Variants in CCDC186 observed in about 807,000 individuals in gnomAD.
The protein encoded by CCDC186 is coiled-coil domain-containing protein 186.
A neutral mutation model predicts 113.7 loss-of-function variants in CCDC186; 49 were observed. That is an observed-to-expected ratio of 0.43 (90% CI 0.34 to 0.55). The LOEUF (loss-of-function observed/expected upper bound fraction) is 0.55, where lower values mean the gene tolerates loss of function less well. Among genes scored for constraint, CCDC186 ranks in the 20% least tolerant of loss-of-function variants. CCDC186 has a pLI of 0.02. For synonymous variants in CCDC186, 355 were observed against 345.8 expected, an observed-to-expected ratio of 1.03 and a Z score of -0.30; for missense variants, 890 against 1,011.1, an observed-to-expected ratio of 0.88 and a Z score of 1.62.
Position 114,151,218 on chromosome 10 carries a change from T to C in CCDC186, c.762A>G (p.Leu254=). 1 of 1,539,464 alleles carries C rather than the reference T, an allele frequency of 6.5e-7. No homozygotes were observed. Among genetic ancestry groups the C allele is most frequent in the Non-Finnish European group, 8.9e-7 (1 of 1,118,514 alleles). Residue 254 remains leucine (L), a splice_region_variant and synonymous_variant, in exon 4 of 16, where the codon TTA becomes TTG. Transcript: ENST00000369287. ...TATTAAGTTCTTCTATTCTTGATTCTAACTGTAAAGAAAATTATTTCCAAA... is the reference window on the plus strand; with the variant it reads ...TATTAAGTTCTTCTATTCTTGATTCCAACTGTAAAGAAAATTATTTCCAAA... ...EKQHMNTIKQ[L]ESRIEELNKE...
chr10:114,164,258 C>T (rs12766574), intron 1 of CCDC186, among the ~76,000 whole-genome samples: 12,008 of 150,192 alleles, frequency 0.08, 564 homozygotes, highest in Middle Eastern at 0.14. Flanking sequence ...GTAGCTGAGA[C>T]TACAGGTGCC....
chr10:114,155,841 C>CACTT (rs2031994816), intron 3 of CCDC186, among the ~76,000 whole-genome samples: 1 of 152,048 alleles, frequency 6.6e-6, no homozygotes, highest in Admixed American at 6.6e-5. Context: ...GTGTATTTTA[C>CACTT]ACTTACAGCA....
intron 4 of CCDC186, among the ~76,000 whole-genome samples, chr10:114,149,589 GA>G (rs2031758113): frequency 9.3e-5 from 3 of 32,398 alleles, no homozygotes; most frequent in Non-Finnish European, 1.8e-4. Flanking sequence ...GAAGGGAAGG[GA>G]AGGGAAGGGA....
At chr10:114,158,987 G>C (rs1233456446) in intron 2 of CCDC186, among the ~76,000 whole-genome samples, 1 of 152,176 alleles carries the variant, frequency 6.6e-6, no homozygotes, top group African/African-American at 2.4e-5. Context: ...ATAATAAAAT[G>C]TCAGCTGGTG....
chr10:114,125,250 A>G (rs777977445), intron 15 of CCDC186, 24 bp from the exon 16 acceptor site: 1 of 1,509,576 alleles, frequency 6.6e-7, no homozygotes, highest in East Asian at 2.3e-5. Context: ...GGTGAGGGGA[A>G]AGGGAAGAGA....
chr10:114,145,533 A>G lies in CCDC186; in HGVS notation c.1101+16T>C. 4 of 1,559,386 alleles carry G rather than the reference A, an allele frequency of 2.6e-6. No homozygotes were observed. Among genetic ancestry groups the G allele is most frequent in the Non-Finnish European group, 3.5e-6 (4 of 1,158,626 alleles). On this transcript the variant is annotated intron_variant, in intron 5 of 15. Transcript: ENST00000369287. ...TTCAAATAAGGTCAACATATTTCAA[A>G]TGGCACAAGTTATACCTTAGTTTCA...
At chr10:114,171,201 T>TA (rs1030994274) in intron 1 of CCDC186, among the ~76,000 whole-genome samples, 21 of 150,806 alleles carry the variant, frequency 1.4e-4, no homozygotes, top group East Asian at 5.8e-4. Context: ...ATAAAGTAGG[T>TA]AAAAAAAAAT....
At chr10:114,146,693 T>C (rs773763499) in intron 4 of CCDC186, among the ~76,000 whole-genome samples, 4 of 152,220 alleles carry the variant, frequency 2.6e-5, no homozygotes, top group Non-Finnish European at 5.9e-5. Flanking sequence ...TTTGCAAATA[T>C]GGTGAAGCAC....
intron 2 of CCDC186, among the ~76,000 whole-genome samples, chr10:114,159,574 C>T (rs1386455717): frequency 2.3e-5 from 3 of 132,958 alleles, no homozygotes; most frequent in East Asian, 2.4e-4. Context: ...ACCTGGGAAG[C>T]GGAGGTGGCA....
Position 114,132,323 on chromosome 10 carries a change from T to C in CCDC186, c.1656-139A>G, listed in dbSNP as rs892211604. 4.8e-6 allele frequency: 3 copies of C among 630,264 alleles called. No homozygotes were observed. The East Asian group carries it at 9.0e-5, about 19-fold the overall frequency. 39.0% of individuals were successfully genotyped at this position (630,264 alleles called of 1,614,324 possible). A position where few individuals can be genotyped will look rare whatever the true frequency, so the allele number is the denominator to read the frequency against. ...TCCAAATATTTATAAATGCCTAATA[T>C]ATGCCAGGAAATAAGAGCTGGAAAG... On this transcript the variant is annotated intron_variant, in intron 10 of 15. Transcript: ENST00000369287.
intron 4 of CCDC186, among the ~76,000 whole-genome samples, chr10:114,149,612 GGGAA>G: frequency 3.0e-5 from 1 of 33,650 alleles, no homozygotes; most frequent in Non-Finnish European, 5.7e-5. Flanking sequence ...GGGAAGGGAA[GGGAA>G]GGGAAGGAAA....
intron 1 of CCDC186, among the ~76,000 whole-genome samples, chr10:114,172,702 G>A (rs957690054): frequency 6.6e-6 from 1 of 152,114 alleles, no homozygotes; most frequent in African/African-American, 2.4e-5. Flanking sequence ...TGCAAGATTC[G>A]TGATCTAATA....
intron 1 of CCDC186, among the ~76,000 whole-genome samples, chr10:114,167,015 G>GTT (rs201434736): frequency 2.9e-4 from 37 of 127,226 alleles, no homozygotes; most frequent in African/African-American, 3.8e-4. Flanking sequence ...TTGCAAGCTG[G>GTT]TTTTTTTTTT....
At chr10:114,154,970 A>C (rs181004371) in intron 3 of CCDC186, among the ~76,000 whole-genome samples, 46 of 152,344 alleles carry the variant, frequency 3.0e-4, no homozygotes, top group Non-Finnish European at 5.3e-4. Context: ...TAAATAAAAG[A>C]AGCTAGATAA....
At position 114,162,834 on chromosome 10, in the gene CCDC186, G is replaced by A. The variant is rs150056951; in HGVS notation, c.435C>T (p.Cys145=). Residue 145 remains cysteine (C), a synonymous_variant, in exon 2 of 16, where the codon TGC becomes TGT. Transcript: ENST00000369287. The part of the protein sequence containing the change: ...TYSESPYDTD[C]TKKFISKIKS... Reference sequence around the variant, plus strand: ...TTATTTTTGAAATAAATTTCTTGGTGCAGTCTGTATCATAGGGGCTTTCTG... The same window carrying A: ...TTATTTTTGAAATAAATTTCTTGGTACAGTCTGTATCATAGGGGCTTTCTG... The A allele has an allele frequency of 1.1e-4, 173 of 1,613,858 alleles. No individual in the cohort carries two copies. The African/African-American group carries it at 2.1e-3, about 20-fold the overall frequency.
chr10:114,152,649 T>G (rs564756379), intron 3 of CCDC186, among the ~76,000 whole-genome samples: 8 of 152,138 alleles, frequency 5.3e-5, no homozygotes, highest in Non-Finnish European at 1.0e-4. Context: ...AATCCCACCA[T>G]CAATAATATT....
At chr10:114,149,539 G>A (rs1589621020) in intron 4 of CCDC186, among the ~76,000 whole-genome samples, 2 of 106,694 alleles carry the variant, frequency 1.9e-5, no homozygotes, top group Non-Finnish European at 3.8e-5. Flanking sequence ...GAAGGAAAGG[G>A]AAGGGAAGGG....
intron 6 of CCDC186, among the ~76,000 whole-genome samples, chr10:114,140,461 T>C (rs1371753299): frequency 6.6e-6 from 1 of 152,230 alleles, no homozygotes; most frequent in East Asian, 1.9e-4. Flanking sequence ...ACATTTTTAG[T>C]TCAATTTTAG....
chr10:114,173,181 G>A (rs1013018824), intron 1 of CCDC186: 1 of 455,900 alleles, frequency 2.2e-6, no homozygotes, highest in South Asian at 1.5e-5. Flanking sequence ...TCTCTCTTCT[G>A]ATTTCCACAG....
Sources: gnomAD v4.1 joint callset for allele counts (sites outside exome capture counted in the v4.1 genomes callset) on GRCh38, gnomAD v4.1.1 for gene constraint, MANE v1.5 for transcripts, NCBI Gene and HGNC (gene_info 2026-07-23, HGNC 2026-07-21) for gene names.